Variants in ULK4 observed in about 807,000 individuals in gnomAD.
ULK4 encodes the protein unc-51 like kinase 4.
A neutral mutation model predicts 160.6 loss-of-function variants in ULK4; 133 were observed. The observed-to-expected ratio is 0.83, with a 90% CI of 0.72 to 0.96. The LOEUF (loss-of-function observed/expected upper bound fraction) is 0.96. ULK4 is among the 40% of genes least tolerant of loss of function. ULK4 has a pLI of 0.00. For synonymous variants in ULK4, 534 were observed against 539.8 expected (o/e 0.99, Z 0.15); for missense variants, 1,580 against 1,499.5 (o/e 1.05, Z -0.89).
At chr3:41,556,793 T>G (rs1200890445) in intron 32 of ULK4, among the ~76,000 whole-genome samples, 1 of 151,968 alleles carries the variant, frequency 6.6e-6, no homozygotes, top group Non-Finnish European at 1.5e-5. Flanking sequence ...GGCCCAAACT[T>G]TTAAGGAGTA....
At chr3:41,517,610 G>C (rs2085792870) in intron 32 of ULK4, among the ~76,000 whole-genome samples, 1 of 152,186 alleles carries the variant, frequency 6.6e-6, no homozygotes, top group African/African-American at 2.4e-5. Flanking sequence ...ATAGCAGCAG[G>C]AACAGTCTCT....
intron 2 of ULK4, among the ~76,000 whole-genome samples, chr3:41,941,085 G>A (rs900721840): frequency 2.7e-5 from 4 of 148,570 alleles, no homozygotes; most frequent in Non-Finnish European, 3.0e-5. Flanking sequence ...CCAGGCTGGA[G>A]CACAGTGGCA....
At chr3:41,482,961 A>C (rs537881863) in intron 32 of ULK4, among the ~76,000 whole-genome samples, 5 of 152,322 alleles carry the variant, frequency 3.3e-5, no homozygotes, top group African/African-American at 1.2e-4. Context: ...TAATAATCAC[A>C]TCAGGGTAAA....
intron 35 of ULK4, among the ~76,000 whole-genome samples, chr3:41,364,233 C>T (rs1271567939): frequency 2.0e-5 from 3 of 152,174 alleles, no homozygotes; most frequent in Admixed American, 6.5e-5. Flanking sequence ...CTGCTGCACC[C>T]GGCCCAAGCC....
chr3:41,660,656 G>C (rs755551488), intron 30 of ULK4, among the ~76,000 whole-genome samples: 110 of 152,176 alleles, frequency 7.2e-4, no homozygotes, highest in Non-Finnish European at 1.3e-3. Context: ...TTGAAGTAAG[G>C]GGGACAATAA....
Position 41,828,106 on chromosome 3 carries a change from A to G in ULK4, c.1764+7758T>C, listed in dbSNP as rs956432472. On this transcript the variant is annotated intron_variant, in intron 18 of 36. Transcript: ENST00000301831. ...CTTTGACAAAATTCAACAGCCCTTC[A>G]TGCTAAAAACTCTCAAAAATTAGGT... Among the ~76,000 whole-genome samples the G allele has an allele frequency of 3.9e-4, 52 of 132,914 alleles. 1 individual carries two copies. The highest frequency in any genetic ancestry group is 2.0e-3 in the African/African-American group (52 of 26,214). 87.2% of individuals were successfully genotyped at this position (132,914 alleles called of 152,430 possible).
rs759726917 is a variant in ULK4 at position 41,935,899 on chromosome 3, G to C, written c.280C>G (p.Pro94Ala). Reference protein sequence around the residue: ...KTVIAQDENLPEDVVREFGID... With the variant: ...KTVIAQDENLAEDVVREFGID... ...CCAAATTCTCTCACAACATCTTCTG[G>C]GAGGTTTTCATCTTGAGCAATAACT... Residue 94 changes from proline to alanine, a missense_variant, in exon 4 of 37, where the codon CCA becomes GCA. By Grantham distance (27) the Pro-to-Ala change is conservative. Transcript: ENST00000301831. 3 of 1,613,860 alleles carry C rather than the reference G, an allele frequency of 1.9e-6. No homozygotes were observed. Among genetic ancestry groups the C allele is most frequent in the Middle Eastern group, 1.7e-4 (1 of 6,058 alleles).
intron 31 of ULK4, among the ~76,000 whole-genome samples, chr3:41,572,718 A>T (rs916226589): frequency 2.6e-5 from 4 of 151,014 alleles, no homozygotes; most frequent in African/African-American, 9.7e-5. Context: ...ATGGGCCGAG[A>T]TCGCGCCACT....
At chr3:41,814,985 T>C in intron 19 of ULK4, among the ~76,000 whole-genome samples, 1 of 149,076 alleles carries the variant, frequency 6.7e-6, no homozygotes, top group East Asian at 2.0e-4. Context: ...CTCAACTCAC[T>C]GCAACCTCTG....
intron 32 of ULK4, among the ~76,000 whole-genome samples, chr3:41,495,062 C>T (rs1397052846): frequency 6.6e-6 from 1 of 152,016 alleles, no homozygotes; most frequent in East Asian, 1.9e-4. Flanking sequence ...ACTTTCTTCA[C>T]AGAATTGGAA....
intron 17 of ULK4, among the ~76,000 whole-genome samples, chr3:41,845,376 G>A (rs1454656186): frequency 6.6e-6 from 1 of 152,094 alleles, no homozygotes; most frequent in African/African-American, 2.4e-5. Context: ...CAACAACCTA[G>A]ATGAATTTCC....
intron 35 of ULK4, among the ~76,000 whole-genome samples, chr3:41,348,362 T>C (rs1054077333): frequency 1.3e-5 from 2 of 152,280 alleles, no homozygotes; most frequent in Non-Finnish European, 2.9e-5. Context: ...CAAGGTGTAC[T>C]GGGGAACAAG....
At chr3:41,289,422 CAAT>C (rs1165943358) in intron 35 of ULK4, among the ~76,000 whole-genome samples, 2 of 152,262 alleles carry the variant, frequency 1.3e-5, no homozygotes, top group African/African-American at 4.8e-5. Flanking sequence ...CAGCCACTGA[CAAT>C]GATGATGAAT....
chr3:41,863,921 A>C (rs1196182520), intron 17 of ULK4, among the ~76,000 whole-genome samples: 1 of 151,776 alleles, frequency 6.6e-6, no homozygotes, highest in Non-Finnish European at 1.5e-5. Context: ...TGGGGGAGGA[A>C]TGAAGCCAGC....
intron 32 of ULK4, among the ~76,000 whole-genome samples, chr3:41,558,954 C>T (rs71615407): frequency 0.14 from 18,751 of 135,510 alleles, 2,339 homozygotes; most frequent in Admixed American, 0.21. Flanking sequence ...TATACATGTG[C>T]CATGCTGGTG....
intron 18 of ULK4, among the ~76,000 whole-genome samples, chr3:41,822,571 C>T (rs1228919304): frequency 1.3e-5 from 2 of 152,010 alleles, no homozygotes; most frequent in African/African-American, 4.8e-5. Context: ...GCCTGAGCCA[C>T]CACACCCGGC....
chr3:41,335,049 C>T (rs1260574981), intron 35 of ULK4, among the ~76,000 whole-genome samples: 1 of 152,126 alleles, frequency 6.6e-6, no homozygotes, highest in Non-Finnish European at 1.5e-5. Flanking sequence ...CTGCTATTTA[C>T]ACAAATAAGA....
chr3:41,594,264 C>T (rs1307331627), intron 31 of ULK4, among the ~76,000 whole-genome samples: 2 of 152,240 alleles, frequency 1.3e-5, no homozygotes, highest in Admixed American at 6.5e-5. Context: ...GGGCTGGGCA[C>T]GGCAGCTCAT....
At chr3:41,603,931 C>T (rs746611367) in intron 31 of ULK4, among the ~76,000 whole-genome samples, 4 of 152,062 alleles carry the variant, frequency 2.6e-5, no homozygotes, top group Non-Finnish European at 2.9e-5. Flanking sequence ...TATACCATAA[C>T]TATTCAATAG....
Sources: allele counts gnomAD v4.1 joint callset (sites outside exome capture counted in the v4.1 genomes callset), GRCh38; gene constraint gnomAD v4.1.1; transcripts MANE v1.5; gene names NCBI Gene and HGNC (gene_info 2026-07-23, HGNC 2026-07-21).